ARAP1: variants seen among roughly 807,000 people sequenced by gnomAD.
ARAP1 encodes the protein ArfGAP with RhoGAP domain, ankyrin repeat and PH domain 1, also known as arf-GAP with Rho-GAP domain, ANK repeat and PH domain-containing protein 1.
In ARAP1, 76 loss-of-function variants were observed where a neutral mutation model predicts 172.2. The observed-to-expected ratio is 0.44, with a 90% confidence interval of 0.37 to 0.53. The LOEUF (loss-of-function observed/expected upper bound fraction) is 0.53, where lower values mean the gene tolerates loss of function less well. Among genes scored for constraint, ARAP1 ranks in the 20% least tolerant of loss-of-function variants. The pLI is 0.00. For missense variants in ARAP1, 1,686 were observed against 1,977.5 expected (o/e 0.85, Z 2.80); for synonymous variants, 804 against 803.3 (o/e 1.00, Z -0.01).
At chr11:72,717,760 G>A (rs778049712) in intron 3 of ARAP1, among the ~76,000 whole-genome samples, 3 of 152,198 alleles carry the variant, frequency 2.0e-5, no homozygotes, top group South Asian at 2.1e-4. Flanking sequence ...TACTCACAGC[G>A]CTCTGTAAGG....
chr11:72,711,830 A>G (rs10898867), intron 7 of ARAP1, among the ~76,000 whole-genome samples: 136,039 of 152,022 alleles, frequency 0.89, 61,316 homozygotes, highest in African/African-American at 0.95. Context: ...CAAGTAGCCA[A>G]AACTACAGGC....
rs7125629 is a variant in ARAP1, at chr11:72,713,803, C to T, written c.679+349G>A. On this transcript the variant is annotated intron_variant, in intron 4 of 34. Coordinates refer to ENST00000393609, the MANE Select transcript of ARAP1 (RefSeq NM_001040118.3). ...CAGAGCTTGCAGTGGGCGGAGATTG[C>T]ACCACTGCACTCCAGCCTGGGCGAC... Among the ~76,000 whole-genome samples, 60 of 149,858 alleles carry T rather than the reference C, an allele frequency of 4.0e-4. No homozygotes were observed. The East Asian group carries it at 9.8e-3, about 25-fold the overall frequency.
At chr11:72,688,432 C>T (rs773660238) in intron 31 of ARAP1, 23 bp downstream of exon 31, 3 of 1,605,478 alleles carry the variant, frequency 1.9e-6, no homozygotes, top group East Asian at 2.2e-5. Context: ...AGTAGCAGGC[C>T]TATCTGCCCA....
rs769337541 is a variant in ARAP1 at position 72,699,430 on chromosome 11, G to A, written c.2425C>T (p.Pro809Ser). The A allele has an allele frequency of 6.2e-7, 1 of 1,614,110 alleles. No homozygotes were observed. Among genetic ancestry groups the A allele is most frequent in the Admixed American group, 1.7e-5 (1 of 60,020 alleles). ...SEIVCLAVPP[P>S]DTHGFEHTFE... ...AGGAGTACTCACCCATGGGTGTCAG[G>A]AGGGGGCACTGCCAGGCACACAATC... is the stretch of plus-strand genomic sequence containing the variant. The change falls in exon 17 of 35, where the codon CCT becomes TCT. Residue 809 changes from proline (P) to serine (S), a missense_variant. This residue lies in a region of ARAP1 where 688 missense variants were observed against 856.9 expected (regional missense o/e 0.80). Coordinates refer to ENST00000393609, the MANE Select transcript of ARAP1 (RefSeq NM_001040118.3). The surrounding 1 kb of genome is among the most constrained non-coding windows in gnomAD (Gnocchi z 4.2).
chr11:72,729,607 A>C (rs1426456887), intron 2 of ARAP1, among the ~76,000 whole-genome samples: 4 of 151,828 alleles, frequency 2.6e-5, no homozygotes. Context: ...AAAAAATAAA[A>C]AATGAAAGGA....
chr11:72,712,643 C>A (rs753450186), intron 5 of ARAP1, 75 bp from the exon 6 acceptor site: 4 of 1,602,276 alleles, frequency 2.5e-6, no homozygotes, highest in South Asian at 1.1e-5. Flanking sequence ...TGCCACGCCC[C>A]CTCTGTCCAC....
chr11:72,744,924 G>A (rs74766416), intron 1 of ARAP1, among the ~76,000 whole-genome samples: 4 of 152,190 alleles, frequency 2.6e-5, no homozygotes, highest in South Asian at 4.1e-4. Context: ...CTTTAGAGCC[G>A]AGAAAGAGAC....
rs910462880 is a variant in ARAP1 at position 72,695,297 on chromosome 11, G to A, written c.3576+90C>T. Reference sequence around the variant, plus strand: ...AGGTCCCAAACTGGTCCTCTCCTCGGGGTAGAAGCACTGCTCCCCTGGCCA... The same window carrying A: ...AGGTCCCAAACTGGTCCTCTCCTCGAGGTAGAAGCACTGCTCCCCTGGCCA... On this transcript the variant is annotated intron_variant, in intron 26 of 34. Coordinates refer to ENST00000393609, the MANE Select transcript of ARAP1 (RefSeq NM_001040118.3). The surrounding 1 kb of genome is among the most constrained non-coding windows in gnomAD (Gnocchi z 4.4). The A allele has an allele frequency of 6.4e-7, 1 of 1,556,664 alleles. No individual in the cohort carries two copies. The highest frequency in any genetic ancestry group is 1.4e-5 in the African/African-American group (1 of 73,830).
chr11:72,735,473 G>A (rs888994740), intron 1 of ARAP1, among the ~76,000 whole-genome samples: 4 of 152,108 alleles, frequency 2.6e-5, no homozygotes, highest in Non-Finnish European at 4.4e-5. Context: ...GTGGGTGCCT[G>A]TAATCCCAGC....
At chr11:72,750,543 CAA>C (rs1455384954) in intron 1 of ARAP1, among the ~76,000 whole-genome samples, 1 of 151,794 alleles carries the variant, frequency 6.6e-6, no homozygotes, top group Non-Finnish European at 1.5e-5. Flanking sequence ...TTCTTTCATT[CAA>C]ACTCTCAATG....
chr11:72,738,117 G>C (rs555136678), intron 1 of ARAP1, among the ~76,000 whole-genome samples: 2 of 152,338 alleles, frequency 1.3e-5, no homozygotes, highest in Non-Finnish European at 2.9e-5. Context: ...TGAAGGATAA[G>C]TAGGAGGTGG....
At chr11:72,729,587 A>G (rs920155872) in intron 2 of ARAP1, among the ~76,000 whole-genome samples, 3 of 150,990 alleles carry the variant, frequency 2.0e-5, no homozygotes, top group Non-Finnish European at 4.4e-5. Flanking sequence ...TCCACTTCAG[A>G]AAAAAAAATA....
intron 15 of ARAP1, among the ~76,000 whole-genome samples, chr11:72,702,432 G>C (rs1309191680): frequency 6.6e-6 from 1 of 152,148 alleles, no homozygotes; most frequent in African/African-American, 2.4e-5. Flanking sequence ...CCCACCCCAA[G>C]AGGGAGCCAA....
In ARAP1 at chr11:72,693,354, T is replaced by C. The variant is rs1460576549; in HGVS notation, c.3925A>G (p.Ser1309Gly). ...FHDRYFILNS[S>G]CLRLYKEVRS... ...ACCTCCTTGTAGAGCCGCAAGCAGC[T>C]GCTGTTGAGGATGAAGTAGCGATCG... Residue 1309 changes from serine to glycine, a missense_variant, in exon 29 of 35, where the codon AGC becomes GGC. Ser to Gly is a moderately conservative substitution (Grantham distance 56). Transcript: ENST00000393609. This position sits in a 1 kb window ranked among gnomAD's most constrained non-coding sequence, Gnocchi z 4.6. 6.8e-6 allele frequency: 11 copies of C among 1,613,688 alleles called. No individual in the cohort carries two copies. The highest frequency in any genetic ancestry group is 9.3e-6 in the Non-Finnish European group (11 of 1,179,816).
At chr11:72,701,331 C>T (rs767762355) in intron 16 of ARAP1, among the ~76,000 whole-genome samples, 3 of 152,064 alleles carry the variant, frequency 2.0e-5, no homozygotes, top group African/African-American at 4.8e-5. Context: ...ATAGGGCTTT[C>T]GTTCAGTCCT....
intron 5 of ARAP1, chr11:72,712,806 A>C: frequency 1.6e-6 from 1 of 636,992 alleles, no homozygotes; most frequent in Non-Finnish European, 2.7e-6. Context: ...CAGAAAGATA[A>C]AGGGACAGAG....
intron 22 of ARAP1, 104 bp from the exon 23 acceptor site, chr11:72,696,758 G>A (rs1856214397): frequency 9.6e-7 from 1 of 1,047,040 alleles, no homozygotes; most frequent in Non-Finnish European, 1.4e-6. Context: ...CAGTCCCTGT[G>A]CCCTCCAAGT....
At chr11:72,711,364 T>C (rs919515524) in intron 8 of ARAP1, 66 bp downstream of exon 8, 3 of 1,559,198 alleles carry the variant, frequency 1.9e-6, no homozygotes, top group Non-Finnish European at 2.6e-6. Flanking sequence ...GGACGCCACC[T>C]CGCTCCAGTG....
chr11:72,749,446 T>C (rs1189209823), intron 1 of ARAP1, among the ~76,000 whole-genome samples: 2 of 152,340 alleles, frequency 1.3e-5, no homozygotes, highest in East Asian at 3.9e-4. Flanking sequence ...TTCTCACTGA[T>C]GTTATTACTC....
Sources: allele counts gnomAD v4.1 joint callset (sites outside exome capture counted in the v4.1 genomes callset), GRCh38; gene constraint gnomAD v4.1.1; regional missense constraint gnomAD v4.1.1; non-coding constraint Gnocchi (gnomAD v3.1); transcripts MANE v1.5; gene names NCBI Gene and HGNC (gene_info 2026-07-23, HGNC 2026-07-21).